Variants in SOX5 observed in about 807,000 individuals in gnomAD.
SOX5 encodes the protein transcription factor SOX-5.
In SOX5, 9 loss-of-function variants were observed where a neutral mutation model predicts 92.0. The observed-to-expected ratio is 0.10, with a 90% CI of 0.06 to 0.17. The LOEUF is 0.17. SOX5 is among the 10% of genes least tolerant of loss of function. The pLI is 1.00. For missense variants in SOX5, 642 were observed against 944.5 expected (o/e 0.68, Z 4.20); for synonymous variants, 344 against 336.3 (o/e 1.02, Z -0.25).
chr12:23,907,364 C>T (rs1365602490), intron 1 of SOX5, among the ~76,000 whole-genome samples: 1 of 151,990 alleles, frequency 6.6e-6, no homozygotes, highest in East Asian at 1.9e-4. Flanking sequence ...AAGGGTTGGA[C>T]CACACCACCT....
At chr12:23,828,982 C>G (rs1362370732) in intron 3 of SOX5, among the ~76,000 whole-genome samples, 1 of 152,124 alleles carries the variant, frequency 6.6e-6, no homozygotes, top group Non-Finnish European at 1.5e-5. Flanking sequence ...TCCTCAACAT[C>G]AAGAGTAGTT....
chr12:24,533,671 T>G (rs923635365), intron 1 of SOX5, among the ~76,000 whole-genome samples: 4 of 152,188 alleles, frequency 2.6e-5, no homozygotes, highest in Non-Finnish European at 5.9e-5. Flanking sequence ...ACATATGCAA[T>G]AATTACTTCC....
At chr12:24,453,149 T>A (rs971328046) in intron 1 of SOX5, among the ~76,000 whole-genome samples, 2 of 152,192 alleles carry the variant, frequency 1.3e-5, no homozygotes, top group African/African-American at 4.8e-5. Flanking sequence ...GCTCTGCATT[T>A]GTGGTTAAAA....
At chr12:24,279,755 T>A (rs1159205803) in intron 2 of SOX5, among the ~76,000 whole-genome samples, 2 of 152,156 alleles carry the variant, frequency 1.3e-5, no homozygotes, top group South Asian at 2.1e-4. Flanking sequence ...AAAACTCCCA[T>A]CTAAAAAAAT....
At chr12:24,278,369 C>G (rs1486326158) in intron 2 of SOX5, among the ~76,000 whole-genome samples, 1 of 152,076 alleles carries the variant, frequency 6.6e-6, no homozygotes, top group Non-Finnish European at 1.5e-5. Context: ...TTAGTTTACT[C>G]ATTACTTCAT....
At chr12:23,539,529 T>C (rs921129815) in intron 13 of SOX5, among the ~76,000 whole-genome samples, 7 of 151,024 alleles carry the variant, frequency 4.6e-5, no homozygotes, top group Admixed American at 1.3e-4. Context: ...GAGCATCCTA[T>C]TGAGGAAGAA....
chr12:23,706,744 C>A (rs1257128471), intron 6 of SOX5, among the ~76,000 whole-genome samples: 1 of 151,674 alleles, frequency 6.6e-6, no homozygotes, highest in Non-Finnish European at 1.5e-5. Context: ...ATTTTAAAAC[C>A]TTAAAATATT....
At chr12:24,139,848 A>G (rs1357973484) in intron 4 of SOX5, among the ~76,000 whole-genome samples, 2 of 152,192 alleles carry the variant, frequency 1.3e-5, no homozygotes, top group Non-Finnish European at 2.9e-5. Context: ...TGTGGAGCAC[A>G]CCAGTGCATT....
At chr12:24,111,326 T>G (rs552184463) in intron 4 of SOX5, among the ~76,000 whole-genome samples, 1 of 152,200 alleles carries the variant, frequency 6.6e-6, no homozygotes, top group Admixed American at 6.6e-5. Flanking sequence ...TACTCATGCT[T>G]CAAGGAATGA....
At chr12:24,257,848 T>C (rs1319669394) in intron 3 of SOX5, among the ~76,000 whole-genome samples, 1 of 152,096 alleles carries the variant, frequency 6.6e-6, no homozygotes, top group African/African-American at 2.4e-5. Flanking sequence ...GTACAACTAG[T>C]GCCTCTGACA....
chr12:24,343,289 T>C (rs1213091475), intron 2 of SOX5, among the ~76,000 whole-genome samples: 1 of 152,092 alleles, frequency 6.6e-6, no homozygotes, highest in Non-Finnish European at 1.5e-5. Flanking sequence ...CTTTACAATC[T>C]GGATCCATGT....
At chr12:23,770,857 T>C (rs951653180) in intron 3 of SOX5, among the ~76,000 whole-genome samples, 2 of 152,208 alleles carry the variant, frequency 1.3e-5, no homozygotes, top group African/African-American at 4.8e-5. Context: ...GGTCAGTTTG[T>C]TGGCCTCTAT....
chr12:24,244,442 C>T (rs1439908397), intron 3 of SOX5, among the ~76,000 whole-genome samples: 2 of 152,184 alleles, frequency 1.3e-5, no homozygotes, highest in East Asian at 3.9e-4. Context: ...AGGGCCTATG[C>T]ACCAGCTGCA....
At chr12:23,830,833 G>A (rs1457837745) in intron 3 of SOX5, among the ~76,000 whole-genome samples, 1 of 152,084 alleles carries the variant, frequency 6.6e-6, no homozygotes, top group Non-Finnish European at 1.5e-5. Context: ...ATATGGTTCA[G>A]TTTAATTTCT....
chr12:24,067,278 TG>T, intron 4 of SOX5, among the ~76,000 whole-genome samples: 1 of 152,310 alleles, frequency 6.6e-6, no homozygotes, highest in Non-Finnish European at 1.5e-5. Context: ...GGCGCCTCCC[TG>T]GATACTTCTA....
At chr12:23,577,983 TG>T (rs1949436812) in intron 9 of SOX5, among the ~76,000 whole-genome samples, 1 of 151,226 alleles carries the variant, frequency 6.6e-6, no homozygotes, top group South Asian at 2.1e-4. Context: ...TAGCTGAGCA[TG>T]GTGGCATGCA....
intron 4 of SOX5, among the ~76,000 whole-genome samples, chr12:24,169,966 A>G (rs1244791674): frequency 6.6e-6 from 1 of 152,170 alleles, no homozygotes; most frequent in Admixed American, 6.5e-5. Flanking sequence ...CTGAACCACA[A>G]AGGGCGTCCT....
At chr12:24,446,406 G>A (rs942378616) in intron 1 of SOX5, among the ~76,000 whole-genome samples, 1 of 152,130 alleles carries the variant, frequency 6.6e-6, no homozygotes, top group Non-Finnish European at 1.5e-5. Context: ...CCAGCAGAGA[G>A]GCCCAATGTT....
intron 14 of SOX5, among the ~76,000 whole-genome samples, 182 bp from the exon 15 acceptor site, chr12:23,534,704 C>CTTTTTTTT (rs60460683): frequency 5.5e-5 from 6 of 108,842 alleles, no homozygotes; most frequent in Non-Finnish European, 1.2e-4. Context: ...CTTTTCTTTT[C>CTTTTTTTT]TTTTTTTTTT....
Sources: gnomAD v4.1 joint callset for allele counts (sites outside exome capture counted in the v4.1 genomes callset) on GRCh38, gnomAD v4.1.1 for gene constraint, MANE v1.5 for transcripts, NCBI Gene and HGNC (gene_info 2026-07-23, HGNC 2026-07-21) for gene names.